Variants in CAPN5 observed in about 807,000 individuals in gnomAD.
The protein encoded by CAPN5 is calpain 5, also known as calpain-5.
Under a neutral mutation model 73.0 loss-of-function variants are expected in CAPN5, and 54 were observed. The ratio of observed to expected loss-of-function variants is 0.74; its 90% CI spans 0.59 to 0.93. The LOEUF (loss-of-function observed/expected upper bound fraction) is 0.93. Among genes scored for constraint, CAPN5 ranks in the 40% least tolerant of loss-of-function variants. The pLI, the probability that CAPN5 is intolerant of heterozygous loss-of-function variation, is 0.00. For missense variants in CAPN5, 785 were observed against 882.9 expected (o/e 0.89, Z 1.41); for synonymous variants, 335 against 356.9 (o/e 0.94, Z 0.69).
chr11:77,083,508 C>T (rs1402251958), intron 1 of CAPN5, among the ~76,000 whole-genome samples: 2 of 152,192 alleles, frequency 1.3e-5, no homozygotes, highest in Non-Finnish European at 2.9e-5. Context: ...GGAGCTTGGG[C>T]AGGTCACCTC....
In CAPN5 at chr11:77,121,915, C is replaced by T; in HGVS notation, c.1488-19C>T. On this transcript the variant is annotated intron_variant, in intron 10 of 12. Transcript: ENST00000648180. Reference sequence around the variant, plus strand: ...GGCCCTTCTCCATCACTCCCCTCTCCCCTGCCGCCCCATATCAGGGAGCTG... The same window carrying T: ...GGCCCTTCTCCATCACTCCCCTCTCTCCTGCCGCCCCATATCAGGGAGCTG... 6.9e-7 allele frequency: 1 copy of T among 1,457,666 alleles called. No individual in the cohort carries two copies. Among genetic ancestry groups the T allele is most frequent in the Non-Finnish European group, 9.3e-7 (1 of 1,078,258 alleles). 90.3% of individuals were successfully genotyped at this position (1,457,666 alleles called of 1,614,324 possible).
intron 9 of CAPN5, 31 bp from the exon 10 acceptor site, chr11:77,120,682 C>T (rs901368968): frequency 7.1e-6 from 11 of 1,544,420 alleles, no homozygotes; most frequent in Middle Eastern, 3.4e-4. Context: ...GGTGTGTCTC[C>T]GCGTGGCCCA....
At chr11:77,122,419 G>A (rs979215938) in intron 11 of CAPN5, among the ~76,000 whole-genome samples, 157 bp from the exon 12 acceptor site, 8 of 152,150 alleles carry the variant, frequency 5.3e-5, no homozygotes, top group South Asian at 2.1e-4. Flanking sequence ...CCTGCTGGCC[G>A]GCCTGTCTCT....
chr11:77,117,465 C>G (rs1452593034), intron 7 of CAPN5, among the ~76,000 whole-genome samples: 2 of 152,222 alleles, frequency 1.3e-5, no homozygotes, highest in Non-Finnish European at 2.9e-5. Context: ...ATGATGAACC[C>G]TTCTGCAGGT....
intron 2 of CAPN5, among the ~76,000 whole-genome samples, chr11:77,090,999 G>A (rs1009440655): frequency 4.6e-5 from 7 of 152,182 alleles, no homozygotes; most frequent in African/African-American, 1.4e-4. Context: ...TGCAGAAGCC[G>A]CCGTGCAGGT....
intron 11 of CAPN5, 28 bp from the exon 12 acceptor site, chr11:77,122,548 C>CCCCCCCA: frequency 6.9e-7 from 1 of 1,445,660 alleles, no homozygotes; most frequent in Non-Finnish European, 9.6e-7. Flanking sequence ...CCCCCACCCT[C>CCCCCCCA]ACCCCATCTC....
chr11:77,105,354 C>A (rs1174002870), intron 3 of CAPN5, among the ~76,000 whole-genome samples: 2 of 152,220 alleles, frequency 1.3e-5, no homozygotes, highest in African/African-American at 4.8e-5. Flanking sequence ...GGGGCTTCAC[C>A]GAATCTCCTG....
Position 77,115,425 on chromosome 11 carries a change from C to T in CAPN5, c.730C>T (p.Leu244=). The change falls in exon 6 of 13, where the codon CTG becomes TTG. Residue 244 remains leucine, a synonymous_variant. Transcript: ENST00000648180. ...GACAGCAGCTGACATGGAGGCCCGC[C>T]TGGCGTGCGGCCTGGTAAAGGGCCA... ...AVTAADMEAR[L]ACGLVKGHAY... The T allele has an allele frequency of 1.2e-6, 2 of 1,606,360 alleles. No homozygotes were observed. The highest frequency in any genetic ancestry group is 1.7e-6 in the Non-Finnish European group (2 of 1,174,524).
rs1456977879 is a variant in CAPN5, at chr11:77,114,290, A to G, written c.555A>G (p.Ala185=). 1 of 1,614,076 alleles carries G rather than the reference A, an allele frequency of 6.2e-7. No individual in the cohort carries two copies. Among genetic ancestry groups the G allele is most frequent in the Non-Finnish European group, 8.5e-7 (1 of 1,180,040 alleles). The change falls in exon 5 of 13, where the codon GCA becomes GCG. Residue 185 remains alanine, a synonymous_variant. Transcript: ENST00000648180. ...TGGATGGAGGCAACACAGCAGACGC[A>G]CTGGTGGACTTCACGGGTGGTGTTT... ...QALDGGNTAD[A]LVDFTGGVSE...
At chr11:77,080,269 G>C (rs1487554181) in intron 1 of CAPN5, among the ~76,000 whole-genome samples, 2 of 152,202 alleles carry the variant, frequency 1.3e-5, no homozygotes, top group African/African-American at 4.8e-5. Flanking sequence ...AAGTCCTCCA[G>C]CTTGTTCTCT....
chr11:77,072,745 A>G (rs2135406111), intron 1 of CAPN5, among the ~76,000 whole-genome samples: 1 of 152,356 alleles, frequency 6.6e-6, no homozygotes, highest in African/African-American at 2.4e-5. Context: ...CTGTCTCACC[A>G]GTCTTTAAAC....
chr11:77,083,561 G>A (rs897004646), intron 1 of CAPN5, among the ~76,000 whole-genome samples: 9 of 152,208 alleles, frequency 5.9e-5, no homozygotes, highest in African/African-American at 1.7e-4. Flanking sequence ...GCTGGCAGCC[G>A]TGTGCCCACC....
At chr11:77,071,811 C>A (rs1949909534) in intron 1 of CAPN5, 1 of 342,598 alleles carries the variant, frequency 2.9e-6, no homozygotes, top group African/African-American at 2.1e-5. Flanking sequence ...TGGAGCAGTG[C>A]AGTGGGCCTG....
At chr11:77,068,609 G>A (rs988593613) in intron 1 of CAPN5, among the ~76,000 whole-genome samples, 4 of 152,162 alleles carry the variant, frequency 2.6e-5, no homozygotes, top group African/African-American at 9.7e-5. Flanking sequence ...TCCAAGAAGG[G>A]CCACCTTTGG....
chr11:77,119,334 G>A (rs1315710189), intron 9 of CAPN5, 182 bp downstream of exon 9: 2 of 659,670 alleles, frequency 3.0e-6, no homozygotes, highest in Non-Finnish European at 5.1e-6. Context: ...AGAGGGCCCA[G>A]CCTGCCCAGC....
intron 2 of CAPN5, 60 bp from the exon 3 acceptor site, chr11:77,093,622 C>G: frequency 6.6e-7 from 1 of 1,515,736 alleles, no homozygotes; most frequent in African/African-American, 1.4e-5. Context: ...ATGTCTCCTG[C>G]CATGGGGGGC....
At chr11:77,102,487 C>T (rs2135455589) in intron 3 of CAPN5, among the ~76,000 whole-genome samples, 1 of 152,308 alleles carries the variant, frequency 6.6e-6, no homozygotes, top group African/African-American at 2.4e-5. Context: ...TTACGAAGTG[C>T]TCTCATCTTC....
chr11:77,110,593 C>T (rs57635647), intron 3 of CAPN5, among the ~76,000 whole-genome samples: 5,513 of 152,296 alleles, frequency 0.036, 320 homozygotes, highest in African/African-American at 0.12. Flanking sequence ...CAGCACCTTC[C>T]GGTAGTATTG....
At chr11:77,085,448 T>C (rs1950075728) in intron 2 of CAPN5, among the ~76,000 whole-genome samples, 2 of 152,210 alleles carry the variant, frequency 1.3e-5, no homozygotes, top group Non-Finnish European at 2.9e-5. Context: ...CATCATGATT[T>C]TGAAATAGTC....
Sources: allele counts gnomAD v4.1 joint callset (sites outside exome capture counted in the v4.1 genomes callset), GRCh38; gene constraint gnomAD v4.1.1; transcripts MANE v1.5; gene names NCBI Gene and HGNC (gene_info 2026-07-23, HGNC 2026-07-21).